The following OR6C1 variants were observed in gnomAD, a reference collection of about 807,000 sequenced individuals.
OR6C1 encodes olfactory receptor family 6 subfamily C member 1, also known as olfactory receptor 6C1.
For missense variants in OR6C1, 386 were observed against 366.1 expected, an observed-to-expected ratio of 1.05 and a Z score of -0.44; for synonymous variants, 157 against 133.3, an observed-to-expected ratio of 1.18 and a Z score of -1.22.
intron 1 of OR6C1, among the ~76,000 whole-genome samples, chr12:55,318,014 TACAC>T (rs1037216068): frequency 2.1e-5 from 3 of 144,924 alleles, no homozygotes; most frequent in South Asian, 2.2e-4. Context: ...CACACATAAA[TACAC>T]ACACATATAT....
intron 1 of OR6C1, among the ~76,000 whole-genome samples, chr12:55,320,328 C>G (rs1350303003): frequency 6.6e-6 from 1 of 152,126 alleles, no homozygotes. Context: ...AGTCTGGTTT[C>G]AAATTCCTGC....
In OR6C1 at chr12:55,321,315, G is replaced by A. The variant is rs1413803368; in HGVS notation, c.716G>A (p.Cys239Tyr). ...CAGAGGACAAAGGCCTTTTCCACAT[G>A]TTCTTCCCACATGGTTGTTGTCTCC... ...TSQRTKAFST[C>Y]SSHMVVVSIS... The change falls in exon 2 of 2, where the codon TGT (cysteine) becomes TAT (tyrosine). Residue 239 changes from cysteine to tyrosine, a missense_variant. Coordinates refer to ENST00000642104, the MANE Select transcript of OR6C1 (RefSeq NM_001005182.2). 1 of 1,613,396 alleles carries A rather than the reference G, an allele frequency of 6.2e-7. No individual in the cohort carries two copies. Among genetic ancestry groups the A allele is most frequent in the Non-Finnish European group, 8.5e-7 (1 of 1,179,442 alleles).
rs1316996345 is a variant in OR6C1, at chr12:55,320,743, G to A, written c.144G>A (p.Leu48=). The A allele has an allele frequency of 6.2e-7, 1 of 1,613,900 alleles. No individual in the cohort carries two copies. Among genetic ancestry groups the A allele is most frequent in the East Asian group, 2.2e-5 (1 of 44,894 alleles). Residue 48 remains leucine (L), a synonymous_variant, in exon 2 of 2, where the codon CTG becomes CTA. Transcript: ENST00000642104. ...ACCTGACCCTTATCACAATTACCCT[G>A]CTGGATTCCCACCTGCAGACCCCCA... ...TGNLTLITIT[L]LDSHLQTPMY...
chr12:55,321,591 A>C lies in OR6C1; in HGVS notation c.*53A>C. ...ACAGGAAAGGACAATATGAATTTTC[A>C]GTAGCTTCTTCAATCAAAATGGCCT... On this transcript the variant is annotated 3_prime_UTR_variant, in exon 2 of 2. Transcript: ENST00000642104. The C allele has an allele frequency of 7.9e-7, 1 of 1,263,528 alleles. No individual in the cohort carries two copies. The highest frequency in any genetic ancestry group is 1.1e-6 in the Non-Finnish European group (1 of 912,126). 78.3% of individuals were successfully genotyped at this position (1,263,528 alleles called of 1,614,324 possible).
intron 1 of OR6C1, among the ~76,000 whole-genome samples, chr12:55,315,544 C>A (rs1868394994): frequency 6.6e-6 from 1 of 151,646 alleles, no homozygotes; most frequent in South Asian, 2.1e-4. Flanking sequence ...TTTCTATACA[C>A]ACTTGTATGA....
rs1254809784 is a variant in OR6C1, at chr12:55,321,438, C to A, written c.839C>A (p.Ala280Asp). The change falls in exon 2 of 2, where the codon GCC (alanine) becomes GAC (aspartate). Residue 280 changes from alanine to aspartate, a missense_variant. Physicochemically the swap from Ala to Asp is moderately radical, Grantham distance 126. Transcript: ENST00000642104. The stretch of plus-strand genomic sequence containing the variant: ...GTGGCAATACTAAACACCTCAGTAG[C>A]CCCCATGATGAACCCCTTTATTTAC... ...KGVAILNTSV[A>D]PMMNPFIYSL... 1 of 1,613,634 alleles carries A rather than the reference C, an allele frequency of 6.2e-7. No individual in the cohort carries two copies. Among genetic ancestry groups the A allele is most frequent in the African/African-American group, 1.3e-5 (1 of 74,990 alleles).
intron 1 of OR6C1, among the ~76,000 whole-genome samples, chr12:55,318,221 AGTGTGTGTGTGT>A (rs71070867): frequency 3.9e-5 from 5 of 128,654 alleles, no homozygotes; most frequent in Admixed American, 8.1e-5. Flanking sequence ...AGATAAGTGG[AGTGTGTGTGTGT>A]GTGTGTGTGT....
Position 55,322,249 on chromosome 12 carries a change from T to G in OR6C1, c.*711T>G, listed in dbSNP as rs1288988598. 1 of 152,064 alleles carries G rather than the reference T, an allele frequency of 6.6e-6. No homozygotes were observed. Among genetic ancestry groups the G allele is most frequent in the Non-Finnish European group, 1.5e-5 (1 of 67,922 alleles). The allele number at this position is 152,064 out of a possible 1,614,324, so 9.4% of individuals were successfully genotyped here. On this transcript the variant is annotated 3_prime_UTR_variant, in exon 2 of 2. Transcript: ENST00000642104. ...TATATAGTATATTCCTAAGATATGT[T>G]AATTTTCTGTGAGTGGAAAATAAGC...
In OR6C1 at chr12:55,320,978, C is replaced by A. The variant is rs1303519176; in HGVS notation, c.379C>A (p.Pro127Thr). The A allele has an allele frequency of 6.2e-7, 1 of 1,613,862 alleles. No homozygotes were observed. Among genetic ancestry groups the A allele is most frequent in the Non-Finnish European group, 8.5e-7 (1 of 1,179,956 alleles). The change falls in exon 2 of 2, where the codon CCT becomes ACT. Residue 127 changes from proline to threonine, a missense_variant. By Grantham distance (38) the Pro-to-Thr change is conservative (BLOSUM62 -1). Coordinates refer to ENST00000642104, the MANE Select transcript of OR6C1 (RefSeq NM_001005182.2). ...SYDRYVAICKPLHCLSIMNRR... is the reference protein window; with the variant it reads ...SYDRYVAICKTLHCLSIMNRR... ...TGACCGCTATGTGGCCATCTGCAAG[C>A]CTCTGCATTGCTTGAGTATCATGAA...
At chr12:55,315,317 C>T (rs1230805881) in intron 1 of OR6C1, among the ~76,000 whole-genome samples, 1 of 151,494 alleles carries the variant, frequency 6.6e-6, no homozygotes. Context: ...AATAAATTGG[C>T]CTTATAGGTC....
chr12:55,320,613 C>A lies in OR6C1; in HGVS notation c.14C>A (p.Thr5Lys). 1 of 1,568,484 alleles carries A rather than the reference C, an allele frequency of 6.4e-7. No individual in the cohort carries two copies. Among genetic ancestry groups the A allele is most frequent in the Non-Finnish European group, 8.7e-7 (1 of 1,152,824 alleles). Residue 5 changes from threonine (T) to lysine (K), a missense_variant, in exon 2 of 2, where the codon ACA (threonine) becomes AAA (lysine). Thr to Lys is a moderately conservative substitution (Grantham distance 78). Coordinates refer to ENST00000642104, the MANE Select transcript of OR6C1 (RefSeq NM_001005182.2). Reference protein sequence around the residue: MRNHTEITEFILLGL... With the variant: MRNHKEITEFILLGL... ...AGCAACTGAAGAATGAGAAACCATA[C>A]AGAAATAACAGAGTTTATTCTTCTG...
intron 1 of OR6C1, among the ~76,000 whole-genome samples, chr12:55,315,768 C>G (rs1013292787): frequency 4.0e-5 from 6 of 151,420 alleles, no homozygotes; most frequent in Non-Finnish European, 7.4e-5. Flanking sequence ...TGTCATGGCC[C>G]ACAGCCTAGA....
chr12:55,316,244 C>G (rs1027549034), intron 1 of OR6C1, among the ~76,000 whole-genome samples: 1 of 151,510 alleles, frequency 6.6e-6, no homozygotes, highest in East Asian at 1.9e-4. Flanking sequence ...TCTTACCAGG[C>G]ACATCAAATA....
chr12:55,316,228 T>C (rs572351743), intron 1 of OR6C1, among the ~76,000 whole-genome samples: 1 of 151,490 alleles, frequency 6.6e-6, no homozygotes, highest in Admixed American at 6.6e-5. Context: ...TCTCTAACAG[T>C]CCCTTTCTTA....
At position 55,320,812 on chromosome 12, in the gene OR6C1, C is replaced by T. The variant is rs772187995; in HGVS notation, c.213C>T (p.Phe71=). Residue 71 remains phenylalanine (F), a synonymous_variant, in exon 2 of 2, where the codon TTC becomes TTT. Transcript: ENST00000642104. ...ATTTCTCCATATTAGAAATTTCGTTCACAACCGTCAGTATACCCAAGTTTC... is the reference window on the plus strand; with the variant it reads ...ATTTCTCCATATTAGAAATTTCGTTTACAACCGTCAGTATACCCAAGTTTC... The part of the protein sequence containing the change: ...LRNFSILEIS[F]TTVSIPKFLG... 6.2e-7 allele frequency: 1 copy of T among 1,613,822 alleles called. No homozygotes were observed. The highest frequency in any genetic ancestry group is 1.1e-5 in the South Asian group (1 of 91,024).
Position 55,321,631 on chromosome 12 carries a change from G to C in OR6C1, c.*93G>C. 1 of 708,836 alleles carries C rather than the reference G, an allele frequency of 1.4e-6. No individual in the cohort carries two copies. Among genetic ancestry groups the C allele is most frequent in the Non-Finnish European group, 2.2e-6 (1 of 446,368 alleles). 43.9% of individuals were successfully genotyped at this position (708,836 alleles called of 1,614,324 possible). A position where few individuals can be genotyped will look rare whatever the true frequency, so the allele number is the denominator to read the frequency against. On this transcript the variant is annotated 3_prime_UTR_variant, in exon 2 of 2. Coordinates refer to ENST00000642104, the MANE Select transcript of OR6C1 (RefSeq NM_001005182.2). The stretch of plus-strand genomic sequence containing the variant: ...CAAAATGGCCTCCTTGCAGTCTTCT[G>C]CATCATTTTCTTTTCCCTAAAAGTT...
At chr12:55,318,382 C>T (rs1868451246) in intron 1 of OR6C1, among the ~76,000 whole-genome samples, 2 of 151,596 alleles carry the variant, frequency 1.3e-5, no homozygotes, top group African/African-American at 4.8e-5. Context: ...TACTATGAAA[C>T]CTGGTGACTT....
rs905824917 is a variant in OR6C1 at position 55,321,632 on chromosome 12, C to T, written c.*94C>T. On this transcript the variant is annotated 3_prime_UTR_variant, in exon 2 of 2. Transcript: ENST00000642104. ...AAAATGGCCTCCTTGCAGTCTTCTG[C>T]ATCATTTTCTTTTCCCTAAAAGTTT... The T allele has an allele frequency of 2.9e-6, 2 of 701,410 alleles. No homozygotes were observed. The highest frequency in any genetic ancestry group is 4.5e-6 in the Non-Finnish European group (2 of 440,140). The allele number at this position is 701,410 out of a possible 1,614,324, so 43.4% of individuals were successfully genotyped here.
intron 1 of OR6C1, among the ~76,000 whole-genome samples, chr12:55,315,799 T>C (rs1868398570): frequency 6.6e-6 from 1 of 150,692 alleles, no homozygotes; most frequent in Non-Finnish European, 1.5e-5. Context: ...AGTACCAAAG[T>C]GTATTTCAGC....
Sources: allele counts gnomAD v4.1 joint callset (sites outside exome capture counted in the v4.1 genomes callset), GRCh38; gene constraint gnomAD v4.1.1; transcripts MANE v1.5; gene names NCBI Gene and HGNC (gene_info 2026-07-23, HGNC 2026-07-21).